Variants in MYO5A observed in about 807,000 individuals in gnomAD.
MYO5A encodes unconventional myosin-Va.
MYO5A carries 98 observed loss-of-function variants against 249.7 expected under a neutral mutation model. The ratio of observed to expected loss-of-function variants is 0.39; its 90% confidence interval spans 0.33 to 0.46. The LOEUF (loss-of-function observed/expected upper bound fraction) is 0.46, where lower values mean the gene tolerates loss of function less well. Ranked by LOEUF, MYO5A falls within the 20% of genes least tolerant of loss-of-function variation. MYO5A has a pLI of 0.98. For missense variants in MYO5A, 1,696 were observed against 2,308.8 expected (o/e 0.73, Z 5.44); for synonymous variants, 778 against 810.6 (o/e 0.96, Z 0.68).
At chr15:52,329,895 C>T (rs1229844356) in intron 35 of MYO5A, among the ~76,000 whole-genome samples, 1 of 122,150 alleles carries the variant, frequency 8.2e-6, no homozygotes, top group East Asian at 2.1e-4. Flanking sequence ...TGTACCACCT[C>T]GCCTGGGTAA....
intron 9 of MYO5A, among the ~76,000 whole-genome samples, chr15:52,400,887 T>C (rs2042721944): frequency 6.6e-6 from 1 of 152,222 alleles, no homozygotes; most frequent in Non-Finnish European, 1.5e-5. Flanking sequence ...CAGATCAATA[T>C]ACTATTATTA....
At chr15:52,336,599 G>A (rs765611670) in intron 33 of MYO5A, 43 bp from the exon 34 acceptor site, 1 of 1,412,348 alleles carries the variant, frequency 7.1e-7, no homozygotes, top group Non-Finnish European at 9.8e-7. Flanking sequence ...ATCGAAACAG[G>A]CCTTCTAAAA....
intron 39 of MYO5A, among the ~76,000 whole-genome samples, chr15:52,318,723 C>T (rs1029096646): frequency 1.3e-5 from 2 of 152,134 alleles, no homozygotes; most frequent in African/African-American, 4.8e-5. Context: ...ATAATTAAAA[C>T]ACACACATAA....
chr15:52,340,701 C>T (rs2039337194), intron 31 of MYO5A, among the ~76,000 whole-genome samples: 1 of 152,054 alleles, frequency 6.6e-6, no homozygotes, highest in African/African-American at 2.4e-5. Flanking sequence ...AATCTCAGCA[C>T]TTTGGGAGGC....
intron 31 of MYO5A, among the ~76,000 whole-genome samples, chr15:52,342,393 A>C (rs543811021): frequency 6.6e-6 from 1 of 152,290 alleles, no homozygotes; most frequent in South Asian, 2.1e-4. Flanking sequence ...CCACATTGCC[A>C]TAGACACATA....
Position 52,473,665 on chromosome 15 carries a change from T to G in MYO5A, c.28-40380A>C, listed in dbSNP as rs180852545. 9.2e-4 allele frequency among the ~76,000 whole-genome samples: 140 copies of G among 152,356 alleles called. 1 individual carries two copies. Among genetic ancestry groups the G allele is most frequent in the African/African-American group, 3.2e-3 (132 of 41,592 alleles). The stretch of plus-strand genomic sequence containing the variant: ...ATTAAACAAGGAATCCTTTCCCCAT[T>G]TCTTGTTTTTGTCAGGTTTGTCAAA... On this transcript the variant is annotated intron_variant, in intron 1 of 41. Transcript: ENST00000399233.
chr15:52,442,741 G>A (rs1217710451), intron 1 of MYO5A, among the ~76,000 whole-genome samples: 4 of 142,330 alleles, frequency 2.8e-5, no homozygotes, highest in Non-Finnish European at 6.0e-5. Flanking sequence ...CCCACCCATT[G>A]TTAAAACAGT....
chr15:52,399,475 G>A (rs1411607465), intron 9 of MYO5A, among the ~76,000 whole-genome samples: 1 of 152,060 alleles, frequency 6.6e-6, no homozygotes, highest in Non-Finnish European at 1.5e-5. Context: ...TCATTGCAAA[G>A]TCACTTTATT....
At chr15:52,461,046 A>T (rs2076238314) in intron 1 of MYO5A, among the ~76,000 whole-genome samples, 1 of 152,156 alleles carries the variant, frequency 6.6e-6, no homozygotes, top group South Asian at 2.1e-4. Context: ...CAACCTTCCC[A>T]GGCTCAGACG....
rs28649737 is a variant in MYO5A, at chr15:52,364,436, C to T, written c.3309+118G>A. On this transcript the variant is annotated intron_variant, in intron 24 of 41. Coordinates refer to ENST00000399233, the MANE Select transcript of MYO5A (RefSeq NM_001382347.1). ...GAATGGGAGGTGAATATGTGTTGAACATTCTGGAACTGGGTGGTAGGTACA... is the reference window on the plus strand; with the variant it reads ...GAATGGGAGGTGAATATGTGTTGAATATTCTGGAACTGGGTGGTAGGTACA... 9,111 of 929,614 alleles carry T rather than the reference C, an allele frequency of 9.8e-3. 217 individuals carry two copies. The highest frequency in any genetic ancestry group is 0.055 in the South Asian group (3,387 of 61,464). 57.6% of individuals were successfully genotyped at this position (929,614 alleles called of 1,614,324 possible).
intron 11 of MYO5A, among the ~76,000 whole-genome samples, chr15:52,394,887 C>T (rs1247286383): frequency 2.6e-5 from 4 of 152,200 alleles, no homozygotes; most frequent in African/African-American, 9.6e-5. Flanking sequence ...GTTCTTTATG[C>T]AGAGATGCAA....
In MYO5A at chr15:52,309,368, G is replaced by C. The variant is rs1483197948; in HGVS notation, c.*4328C>G. The C allele has an allele frequency of 6.6e-6, 1 of 152,230 alleles. No individual in the cohort carries two copies. The highest frequency in any genetic ancestry group is 2.4e-5 in the African/African-American group (1 of 41,442). 9.4% of individuals were successfully genotyped at this position (152,230 alleles called of 1,614,324 possible). ...TTGGTCTCCTTAAAACAAGTAACTT[G>C]GTACGCAGCACTTGCTCGGTTCCCA... On this transcript the variant is annotated 3_prime_UTR_variant, in exon 42 of 42. Transcript: ENST00000399233.
chr15:52,520,698 T>C (rs760013753), intron 1 of MYO5A, among the ~76,000 whole-genome samples: 4 of 152,198 alleles, frequency 2.6e-5, no homozygotes. Context: ...AAAGAGAGGT[T>C]TGGTAAGTCA....
intron 1 of MYO5A, among the ~76,000 whole-genome samples, chr15:52,465,253 C>T (rs931969561): frequency 6.6e-6 from 1 of 152,212 alleles, no homozygotes; most frequent in Non-Finnish European, 1.5e-5. Flanking sequence ...AAGTGTTAAA[C>T]TTTGGGCTGC....
chr15:52,349,275 TTCCCTAGCTCACAGGGTGTTGC>T (rs960282355), intron 28 of MYO5A, among the ~76,000 whole-genome samples: 1 of 152,200 alleles, frequency 6.6e-6, no homozygotes, highest in Non-Finnish European at 1.5e-5. Flanking sequence ...GGCTGGATCA[TTCCCTAGCTCACAGGGTGTTGC>T]TCACCACTGC....
At chr15:52,506,061 T>C (rs2077263703) in intron 1 of MYO5A, among the ~76,000 whole-genome samples, 1 of 150,778 alleles carries the variant, frequency 6.6e-6, no homozygotes, top group Admixed American at 6.6e-5. Context: ...TAAAAAAATA[T>C]GAAAATTAGG....
intron 18 of MYO5A, among the ~76,000 whole-genome samples, chr15:52,378,632 C>CA (rs1381068711): frequency 1.4e-4 from 17 of 117,692 alleles, no homozygotes; most frequent in Admixed American, 6.1e-4. Flanking sequence ...ATATTATTAA[C>CA]AAAAAAAAGG....
Position 52,376,374 on chromosome 15 carries a change from C to A in MYO5A, c.2393G>T (p.Arg798Ile). 1 of 1,614,194 alleles carries A rather than the reference C, an allele frequency of 6.2e-7. No individual in the cohort carries two copies. The highest frequency in any genetic ancestry group is 2.2e-5 in the East Asian group (1 of 44,874). ...TCGGGCCTGGTAGCCCCGCACGTATCTCTGCATGGTGATGGCTGCCTTCCG... is the reference window on the plus strand; with the variant it reads ...TCGGGCCTGGTAGCCCCGCACGTATATCTGCATGGTGATGGCTGCCTTCCG... ...RMRKAAITMQ[R>I]YVRGYQARCY... is the part of the protein sequence containing the mutation. Residue 798 changes from arginine (R) to isoleucine (I), a missense_variant, in exon 19 of 42, where the codon AGA (arginine) becomes ATA (isoleucine). Physicochemically the swap from Arg to Ile is moderately conservative, Grantham distance 97. Around this residue, in one of 5 missense-constraint regions of MYO5A, gnomAD observed 412 missense variants for 453.3 expected, o/e 0.91. Coordinates refer to ENST00000399233, the MANE Select transcript of MYO5A (RefSeq NM_001382347.1).
At chr15:52,450,013 T>A (rs1040298257) in intron 1 of MYO5A, among the ~76,000 whole-genome samples, 3 of 151,728 alleles carry the variant, frequency 2.0e-5, no homozygotes, top group Non-Finnish European at 4.4e-5. Flanking sequence ...AAAAAAAAAA[T>A]TGAATTCAGG....
Sources: gnomAD v4.1 joint callset for allele counts (sites outside exome capture counted in the v4.1 genomes callset) on GRCh38, gnomAD v4.1.1 for gene constraint, gnomAD v4.1.1 regional missense constraint, MANE v1.5 for transcripts, NCBI Gene and HGNC (gene_info 2026-07-23, HGNC 2026-07-21) for gene names.